KALRN: variants seen among roughly 807,000 people sequenced by gnomAD.
KALRN encodes kalirin.
Under a neutral mutation model 353.7 loss-of-function variants are expected in KALRN, and 70 were observed. The ratio of observed to expected loss-of-function variants is 0.20; its 90% CI spans 0.16 to 0.24. The LOEUF is 0.24. KALRN is among the 10% of genes least tolerant of loss of function. KALRN has a pLI of 1.00. For missense variants in KALRN, 2,791 were observed against 3,756.7 expected (o/e 0.74, Z 6.72); for synonymous variants, 1,391 against 1,434.8 (o/e 0.97, Z 0.69).
At chr3:124,343,321 C>A (rs2081960345) in intron 9 of KALRN, among the ~76,000 whole-genome samples, 1 of 152,028 alleles carries the variant, frequency 6.6e-6, no homozygotes. Context: ...CCACGCCTGG[C>A]AATTTTTTTT....
At chr3:124,397,768 C>G (rs887196159) in intron 12 of KALRN, among the ~76,000 whole-genome samples, 2 of 152,200 alleles carry the variant, frequency 1.3e-5, no homozygotes, top group Non-Finnish European at 2.9e-5. Context: ...GCTGCACCCC[C>G]TCCTATTACT....
intron 28 of KALRN, among the ~76,000 whole-genome samples, chr3:124,484,575 G>A (rs1325437149): frequency 6.6e-6 from 1 of 152,182 alleles, no homozygotes; most frequent in African/African-American, 2.4e-5. Flanking sequence ...TTTCTTATAT[G>A]AAGACATAAT....
chr3:124,534,253 A>C (rs1410464024), intron 33 of KALRN, among the ~76,000 whole-genome samples: 1 of 152,194 alleles, frequency 6.6e-6, no homozygotes, highest in East Asian at 1.9e-4. Context: ...TATGAACTTT[A>C]GTTAAAATTG....
chr3:124,508,705 T>A (rs2065521635), intron 33 of KALRN, among the ~76,000 whole-genome samples: 1 of 152,194 alleles, frequency 6.6e-6, no homozygotes, highest in Admixed American at 6.5e-5. Flanking sequence ...TGTGTGTGTA[T>A]ATTTTCACCT....
intron 5 of KALRN, among the ~76,000 whole-genome samples, chr3:124,278,809 A>C (rs2149018449): frequency 6.6e-6 from 1 of 152,296 alleles, no homozygotes. Context: ...CAGGACCCAA[A>C]GTCTTATCCT....
intron 33 of KALRN, among the ~76,000 whole-genome samples, chr3:124,544,145 A>C (rs901761297): frequency 3.9e-5 from 6 of 152,244 alleles, no homozygotes; most frequent in African/African-American, 1.4e-4. Context: ...TGAAGGAAGG[A>C]AACAATTCAG....
intron 6 of KALRN, among the ~76,000 whole-genome samples, chr3:124,300,504 C>G (rs35036266): frequency 0.2 from 30,252 of 152,158 alleles, 3,095 homozygotes; most frequent in South Asian, 0.29. Context: ...AGCATGTACC[C>G]AAGGACACAT....
At chr3:124,112,106 C>T (rs2063036694) in intron 1 of KALRN, among the ~76,000 whole-genome samples, 1 of 152,012 alleles carries the variant, frequency 6.6e-6, no homozygotes, top group African/African-American at 2.4e-5. Context: ...ATTTCGAGAC[C>T]AGACTGGCCA....
intron 32 of KALRN, among the ~76,000 whole-genome samples, 185 bp from the exon 33 acceptor site, chr3:124,496,126 T>C (rs955750736): frequency 4.0e-5 from 6 of 150,448 alleles, no homozygotes; most frequent in African/African-American, 1.5e-4. Flanking sequence ...GTTTACTAAG[T>C]GCAAGAAGTG....
chr3:124,555,108 C>T (rs544447959), intron 33 of KALRN, among the ~76,000 whole-genome samples: 14 of 152,208 alleles, frequency 9.2e-5, no homozygotes, highest in Admixed American at 2.6e-4. Context: ...TCCTCAGTGC[C>T]GTCTGGTGCT....
chr3:124,613,140 C>T (rs1299148213), intron 34 of KALRN, among the ~76,000 whole-genome samples: 1 of 152,192 alleles, frequency 6.6e-6, no homozygotes. Context: ...GGCAGAGTAG[C>T]AATCTTTGGG....
chr3:124,502,409 C>T (rs1443389278), intron 33 of KALRN, among the ~76,000 whole-genome samples: 30 of 152,106 alleles, frequency 2.0e-4, no homozygotes, highest in Non-Finnish European at 2.9e-5. Context: ...TGTGAGCAGC[C>T]AACAGGCACA....
At chr3:124,525,449 T>A (rs1468381354) in intron 33 of KALRN, among the ~76,000 whole-genome samples, 5 of 152,168 alleles carry the variant, frequency 3.3e-5, no homozygotes, top group Admixed American at 2.0e-4. Context: ...GGCATGCATC[T>A]GAGTAAAGGG....
intron 5 of KALRN, among the ~76,000 whole-genome samples, chr3:124,295,865 ATAAT>A (rs969412659): frequency 1.2e-4 from 19 of 152,310 alleles, no homozygotes; most frequent in African/African-American, 4.3e-4. Flanking sequence ...GTCCTTAATA[ATAAT>A]TAAAGAAGAA....
At position 124,462,527 on chromosome 3, in the gene KALRN, T is replaced by A; in HGVS notation, c.3925T>A (p.Tyr1309Asn). ...TGAAACTGTTACTGTCTTACAGACC[T>A]ACCTGTGGGAAATGACCAGTGGTGT... ...VRDLHECLET[Y>N]LWEMTSGVEE... The change falls in exon 25 of 60, where the codon TAC becomes AAC. Residue 1309 changes from tyrosine (Y) to asparagine (N), a missense_variant. Coordinates refer to ENST00000682506, the MANE Select transcript of KALRN (RefSeq NM_001388419.1). The A allele has an allele frequency of 6.3e-7, 1 of 1,591,582 alleles. No homozygotes were observed. The highest frequency in any genetic ancestry group is 8.6e-7 in the Non-Finnish European group (1 of 1,159,514).
At chr3:124,250,782 TTC>T (rs1216710283) in intron 3 of KALRN, among the ~76,000 whole-genome samples, 2 of 152,146 alleles carry the variant, frequency 1.3e-5, no homozygotes, top group Non-Finnish European at 2.9e-5. Context: ...TGGTTTCCAG[TTC>T]TTTCTTTCCC....
At chr3:124,127,352 G>C (rs1225973365) in intron 1 of KALRN, among the ~76,000 whole-genome samples, 3 of 152,020 alleles carry the variant, frequency 2.0e-5, no homozygotes, top group Non-Finnish European at 2.9e-5. Context: ...CAATTATACT[G>C]TCAGAGTGAT....
chr3:124,677,527 G>A (rs1030103997), intron 49 of KALRN: 5 of 454,342 alleles, frequency 1.1e-5, no homozygotes, highest in Admixed American at 9.4e-5. Context: ...GACCTCTACA[G>A]GCTGACAAAG....
At chr3:124,522,291 A>C (rs2067228278) in intron 33 of KALRN, among the ~76,000 whole-genome samples, 1 of 151,924 alleles carries the variant, frequency 6.6e-6, no homozygotes, top group East Asian at 1.9e-4. Context: ...ATATATACAT[A>C]TGTACATATA....
Sources: allele counts gnomAD v4.1 joint callset (sites outside exome capture counted in the v4.1 genomes callset), GRCh38; gene constraint gnomAD v4.1.1; transcripts MANE v1.5; gene names NCBI Gene and HGNC (gene_info 2026-07-23, HGNC 2026-07-21).